The following HS3ST3A1 variants were observed in gnomAD, a reference collection of about 807,000 sequenced individuals.
HS3ST3A1 encodes heparan sulfate glucosamine 3-O-sulfotransferase 3A1.
In HS3ST3A1, 19 loss-of-function variants were observed where a neutral mutation model predicts 25.7. That is an observed-to-expected ratio of 0.74 (90% CI 0.52 to 1.08). The LOEUF (loss-of-function observed/expected upper bound fraction) is 1.08, where lower values mean the gene tolerates loss of function less well. HS3ST3A1 is among the 50% of genes least tolerant of loss of function. The pLI, the probability that HS3ST3A1 is intolerant of heterozygous loss-of-function variation, is 0.00. For synonymous variants in HS3ST3A1, 226 were observed against 278.6 expected (o/e 0.81, Z 1.88); for missense variants, 459 against 594.3 (o/e 0.77, Z 2.37).
intron 1 of HS3ST3A1, among the ~76,000 whole-genome samples, chr17:13,593,374 C>A (rs1410016109): frequency 6.6e-6 from 1 of 152,098 alleles, no homozygotes; most frequent in Non-Finnish European, 1.5e-5. Context: ...CTTTGGGGAA[C>A]CTTTCACACC....
At position 13,494,114 on chromosome 17, in the gene HS3ST3A1, G is replaced by A. The variant is rs1905209553; in HGVS notation, c.*2083C>T. 6.6e-6 allele frequency among the ~76,000 whole-genome samples: 1 copy of A among 152,190 alleles called. No individual in the cohort carries two copies. On this transcript the variant is annotated 3_prime_UTR_variant, in exon 2 of 2. Transcript: ENST00000284110. ...AGAATGCAATTGTTTCTTTGTGCAA[G>A]CCACTTTTGCATAATGCCAAGCAAA...
At chr17:13,561,054 A>G (rs934395092) in intron 1 of HS3ST3A1, among the ~76,000 whole-genome samples, 1 of 152,160 alleles carries the variant, frequency 6.6e-6, no homozygotes, top group African/African-American at 2.4e-5. Context: ...AGAGGCCTCC[A>G]TTCCTCGATG....
Position 13,585,801 on chromosome 17 carries a change from T to C in HS3ST3A1, c.599+14730A>G, listed in dbSNP as rs889007526. 2.0e-5 allele frequency among the ~76,000 whole-genome samples: 3 copies of C among 150,840 alleles called. No homozygotes were observed. The South Asian group carries it at 6.3e-4, about 32-fold the overall frequency. ...TCCACTTTACGTGTATGAAACAAAA[T>C]TGCTCGTTCCCCTTGAGACCTGTTA... is the stretch of plus-strand genomic sequence containing the variant. On this transcript the variant is annotated intron_variant, in intron 1 of 1. Coordinates refer to ENST00000284110, the MANE Select transcript of HS3ST3A1 (RefSeq NM_006042.3).
chr17:13,524,829 G>A (rs11868857), intron 1 of HS3ST3A1, among the ~76,000 whole-genome samples: 46,973 of 151,948 alleles, frequency 0.31, 7,844 homozygotes, highest in African/African-American at 0.44. Flanking sequence ...AAAAGTAAAA[G>A]TAAATTTTAA....
chr17:13,500,115 TA>T (rs1344234028), intron 1 of HS3ST3A1, among the ~76,000 whole-genome samples: 1 of 152,212 alleles, frequency 6.6e-6, no homozygotes, highest in Non-Finnish European at 1.5e-5. Context: ...CATACATTTT[TA>T]TTGCAAATCT....
At chr17:13,513,539 C>A (rs9912697) in intron 1 of HS3ST3A1, among the ~76,000 whole-genome samples, 5,263 of 152,240 alleles carry the variant, frequency 0.035, 293 homozygotes, top group African/African-American at 0.12. Context: ...TACATCCATG[C>A]AGATCTCATT....
chr17:13,563,011 A>G (rs997496191), intron 1 of HS3ST3A1, among the ~76,000 whole-genome samples: 4 of 151,664 alleles, frequency 2.6e-5, no homozygotes, highest in African/African-American at 4.9e-5. Context: ...TCAGACGTAA[A>G]GGGGCCCTAA....
At chr17:13,543,664 T>C (rs1907000257) in intron 1 of HS3ST3A1, 1 of 158,988 alleles carries the variant, frequency 6.3e-6, no homozygotes, top group Non-Finnish European at 1.5e-5. Context: ...TCTGTGAATC[T>C]AGAAGGAAAT....
At chr17:13,578,898 G>T (rs1318904016) in intron 1 of HS3ST3A1, among the ~76,000 whole-genome samples, 1 of 151,998 alleles carries the variant, frequency 6.6e-6, no homozygotes, top group Non-Finnish European at 1.5e-5. Context: ...CATTATTAAA[G>T]ATACTCAAAT....
At chr17:13,560,289 C>CAAAAAAAAAAAAAA (rs10632927) in intron 1 of HS3ST3A1, among the ~76,000 whole-genome samples, 1,591 of 17,374 alleles carry the variant, frequency 0.092, 629 homozygotes, top group Middle Eastern at 0.2. Flanking sequence ...CACTCGTCTC[C>CAAAAAAAAAAAAAA]AAAAAAAAAA....
chr17:13,509,513 T>C (rs1460053440), intron 1 of HS3ST3A1, among the ~76,000 whole-genome samples: 4 of 152,166 alleles, frequency 2.6e-5, no homozygotes, highest in African/African-American at 9.7e-5. Context: ...AAATAAAATG[T>C]AATTAAGTTA....
chr17:13,558,803 G>A lies in HS3ST3A1; in HGVS notation c.599+41728C>T, dbSNP rs146366516. 9.2e-3 allele frequency among the ~76,000 whole-genome samples: 1,395 copies of A among 152,190 alleles called. 32 individuals are homozygous for A. The highest frequency in any genetic ancestry group is 0.032 in the African/African-American group (1,317 of 41,518). On this transcript the variant is annotated intron_variant, in intron 1 of 1. Transcript: ENST00000284110. ...TTGCATCATCAAATAAGCTAAACAC[G>A]GAAGTCTAAAAAATTGTCACAAAAA...
At chr17:13,561,592 C>T (rs181710766) in intron 1 of HS3ST3A1, among the ~76,000 whole-genome samples, 3 of 152,192 alleles carry the variant, frequency 2.0e-5, no homozygotes, top group African/African-American at 7.2e-5. Flanking sequence ...CGGGGTTTCG[C>T]CATGTTGGCC....
chr17:13,501,355 T>C (rs1194804707), intron 1 of HS3ST3A1, among the ~76,000 whole-genome samples: 1 of 152,200 alleles, frequency 6.6e-6, no homozygotes, highest in African/African-American at 2.4e-5. Flanking sequence ...GTAAATTTTA[T>C]GTTATGTGTA....
At chr17:13,517,904 A>G (rs949638851) in intron 1 of HS3ST3A1, among the ~76,000 whole-genome samples, 1 of 152,172 alleles carries the variant, frequency 6.6e-6, no homozygotes, top group Non-Finnish European at 1.5e-5. Context: ...TCGGCCTCCC[A>G]AAGTGTTGGG....
chr17:13,564,199 A>G (rs1271868332), intron 1 of HS3ST3A1, among the ~76,000 whole-genome samples: 2 of 152,154 alleles, frequency 1.3e-5, no homozygotes, highest in African/African-American at 4.8e-5. Flanking sequence ...AGCAACATGC[A>G]TTTTTACCCC....
intron 1 of HS3ST3A1, among the ~76,000 whole-genome samples, chr17:13,588,828 C>T (rs1043634379): frequency 4.6e-5 from 7 of 152,096 alleles, no homozygotes; most frequent in Admixed American, 1.3e-4. Flanking sequence ...GGACTACAGG[C>T]GCCCACCACC....
At chr17:13,564,008 C>T (rs992192817) in intron 1 of HS3ST3A1, among the ~76,000 whole-genome samples, 1 of 152,116 alleles carries the variant, frequency 6.6e-6, no homozygotes, top group South Asian at 2.1e-4. Context: ...AACATTTGGA[C>T]TCGTCTTGTG....
At chr17:13,537,981 C>T (rs1184727203) in intron 1 of HS3ST3A1, among the ~76,000 whole-genome samples, 2 of 152,224 alleles carry the variant, frequency 1.3e-5, no homozygotes. Context: ...ATTTAACGGA[C>T]TTGTTCAACT....
Sources: gnomAD v4.1 joint callset for allele counts (sites outside exome capture counted in the v4.1 genomes callset) on GRCh38, gnomAD v4.1.1 for gene constraint, MANE v1.5 for transcripts, NCBI Gene and HGNC (gene_info 2026-07-23, HGNC 2026-07-21) for gene names.